The following ACACB variants were observed in gnomAD, a reference collection of about 807,000 sequenced individuals.
ACACB encodes the protein acetyl-CoA carboxylase 2.
A neutral mutation model predicts 278.8 loss-of-function variants in ACACB; 209 were observed. The ratio of observed to expected loss-of-function variants is 0.75; its 90% CI spans 0.67 to 0.84. ACACB has a LOEUF of 0.84. ACACB is among the 40% of genes least tolerant of loss of function. The probability of loss-of-function intolerance (pLI) is 0.00; values close to 1 mark genes in which losing one functional copy is unlikely to be tolerated. For synonymous variants in ACACB, 1,174 were observed against 1,285.6 expected (o/e 0.91, Z 1.86); for missense variants, 2,850 against 3,269.0 (o/e 0.87, Z 3.13).
rs755391838 is a variant in ACACB, at chr12:109,235,620, G to A, written c.4419G>A (p.Lys1473=). The A allele has an allele frequency of 2.5e-6, 4 of 1,613,340 alleles. No homozygotes were observed. In the South Asian group the frequency reaches 4.4e-5, roughly 18 times the overall value. Residue 1473 remains lysine (K), a synonymous_variant, in exon 33 of 53, where the codon AAG becomes AAA. Coordinates refer to ENST00000338432, the MANE Select transcript of ACACB (RefSeq NM_001093.4). ...FLIAQEKEFP[K]FFTFRARDEF... ...TCTTTTTGCAGAAAGAATTTCCCAA[G>A]TTTTTCACATTCAGAGCAAGAGATG...
Position 109,265,139 on chromosome 12 carries a change from C to T in ACACB, c.6972C>T (p.Thr2324=). ...TCCTGGAGTGGAAGACCGCACGCAC[C>T]TTCCTGTATTGGCGTCTGCGCCGCC... The part of the protein sequence containing the change: ...SDILEWKTAR[T]FLYWRLRRLL... The change falls in exon 51 of 53, where the codon ACC becomes ACT. Residue 2324 remains threonine (T), a synonymous_variant. Coordinates refer to ENST00000338432, the MANE Select transcript of ACACB (RefSeq NM_001093.4). 1 of 1,613,054 alleles carries T rather than the reference C, an allele frequency of 6.2e-7. No individual in the cohort carries two copies. The highest frequency in any genetic ancestry group is 8.5e-7 in the Non-Finnish European group (1 of 1,179,544).
At chr12:109,235,464 G>C in intron 32 of ACACB, 95 bp downstream of exon 32, 1 of 1,454,306 alleles carries the variant, frequency 6.9e-7, no homozygotes, top group Non-Finnish European at 9.6e-7. Context: ...TTGGGTGAAA[G>C]AGATCATTAG....
chr12:109,157,399 A>C (rs1023618718), intron 2 of ACACB, among the ~76,000 whole-genome samples: 11 of 151,814 alleles, frequency 7.2e-5, no homozygotes, highest in African/African-American at 2.7e-4. Context: ...CAGCCTTCCA[A>C]GTAGTGGGAC....
chr12:109,127,713 T>C (rs958748051), intron 1 of ACACB, among the ~76,000 whole-genome samples: 2 of 152,128 alleles, frequency 1.3e-5, no homozygotes, highest in African/African-American at 4.8e-5. Context: ...TCCCCGAACA[T>C]TTGTTCCTCT....
chr12:109,210,457 A>ATGTG (rs2045791632), intron 21 of ACACB, among the ~76,000 whole-genome samples: 8 of 129,938 alleles, frequency 6.2e-5, no homozygotes, highest in East Asian at 4.1e-4. Context: ...GTATATATGT[A>ATGTG]TATATACGCA....
intron 40 of ACACB, chr12:109,249,312 G>A (rs117457536): frequency 6.6e-6 from 1 of 152,276 alleles, no homozygotes; most frequent in Non-Finnish European, 1.5e-5. Context: ...TATAAGATAA[G>A]GTGGACATAG....
chr12:109,242,535 C>G lies in ACACB; in HGVS notation c.5121C>G (p.Phe1707Leu). 2 of 1,614,200 alleles carry G rather than the reference C, an allele frequency of 1.2e-6. No homozygotes were observed. The highest frequency in any genetic ancestry group is 1.7e-6 in the Non-Finnish European group (2 of 1,180,036). ...AGGATCTGCTCCAGGCCAAGCGATT[C>G]CAGGCCCAGACCCTGGGAACCACCT... ...VTKDLLQAKR[F>L]QAQTLGTTYI... The change falls in exon 37 of 53, where the codon TTC becomes TTG. Residue 1707 changes from phenylalanine to leucine, a missense_variant. Transcript: ENST00000338432.
chr12:109,163,110 A>G (rs969036994), intron 2 of ACACB, among the ~76,000 whole-genome samples: 1 of 152,084 alleles, frequency 6.6e-6, no homozygotes, highest in Non-Finnish European at 1.5e-5. Flanking sequence ...TTTTTAGTAG[A>G]GATGGGGTTT....
chr12:109,150,920 C>G (rs756875299), intron 2 of ACACB, among the ~76,000 whole-genome samples: 3 of 151,946 alleles, frequency 2.0e-5, no homozygotes, highest in Non-Finnish European at 4.4e-5. Flanking sequence ...GTCTCTTTAG[C>G]TCCTAAAATG....
upstream of ACACB, among the ~76,000 whole-genome samples, chr12:109,114,609 C>G (rs140490216): frequency 0.01 from 1,566 of 151,542 alleles, 36 homozygotes; most frequent in African/African-American, 0.035. Flanking sequence ...CTTTAGGAGG[C>G]AAGGCAAGAA....
chr12:109,166,742 C>T, intron 2 of ACACB, 119 bp from the exon 3 acceptor site: 2 of 1,255,732 alleles, frequency 1.6e-6, no homozygotes, highest in Non-Finnish European at 2.2e-6. Flanking sequence ...AGAGCAAGTG[C>T]AAAGCAGGGG....
rs932096691 is a variant in ACACB at position 109,256,294 on chromosome 12, C to T, written c.6263+58C>T. On this transcript the variant is annotated intron_variant, in intron 45 of 52. Transcript: ENST00000338432. ...TCTGACTCACCAGGCATTGGGGCCC[C>T]GAGGTGTGAGGCCAGGGACCTCCAG... 105 of 1,475,958 alleles carry T rather than the reference C, an allele frequency of 7.1e-5. No individual in the cohort carries two copies. In the African/African-American group the frequency reaches 1.1e-3, roughly 15 times the overall value. 91.4% of individuals were successfully genotyped at this position (1,475,958 alleles called of 1,614,324 possible). A position where few individuals can be genotyped will look rare whatever the true frequency, so the allele number is the denominator to read the frequency against.
chr12:109,130,888 C>T (rs527667228), intron 1 of ACACB, among the ~76,000 whole-genome samples: 22 of 152,316 alleles, frequency 1.4e-4, no homozygotes, highest in African/African-American at 5.3e-4. Flanking sequence ...TATAGCCAAA[C>T]ACAAGTTGTG....
At chr12:109,210,472 CATGTGTATATGTGTATATATACATGT>C (rs2045796161) in intron 21 of ACACB, among the ~76,000 whole-genome samples, 2 of 144,668 alleles carry the variant, frequency 1.4e-5, no homozygotes, top group Non-Finnish European at 1.5e-5. Context: ...TACGCACATA[CATGTGTATATGTGTATATATACATGT>C]ATGTGTATAT....
intron 28 of ACACB, among the ~76,000 whole-genome samples, chr12:109,230,702 T>C (rs899976963): frequency 1.3e-5 from 2 of 152,316 alleles, no homozygotes; most frequent in Admixed American, 6.5e-5. Flanking sequence ...AGTGCTGATA[T>C]TATAGGCGCG....
intron 50 of ACACB, 65 bp downstream of exon 50, chr12:109,264,451 A>G (rs1160398223): frequency 1.9e-5 from 26 of 1,339,976 alleles, no homozygotes; most frequent in Non-Finnish European, 2.7e-5. Flanking sequence ...CATGGAGGAC[A>G]TTTGGGCTCG....
In ACACB at chr12:109,222,918, C is replaced by T. The variant is rs768018386; in HGVS notation, c.3792+6C>T. ...TCTGCCCCGAGAACCTCAAGGTGAG[C>T]CCGTCTCCTTCCTTTCACCATCTGC... On this transcript the variant is annotated splice_donor_region_variant and intron_variant, in intron 26 of 52. Coordinates refer to ENST00000338432, the MANE Select transcript of ACACB (RefSeq NM_001093.4). 2 of 1,592,174 alleles carry T rather than the reference C, an allele frequency of 1.3e-6. No individual in the cohort carries two copies. The highest frequency in any genetic ancestry group is 4.5e-5 in the East Asian group (2 of 44,120).
Position 109,116,593 on chromosome 12 carries a change from A to G in ACACB, c.-121A>G, listed in dbSNP as rs2042407931. ...AGTGACATTTGCAGTCCCCAGAGTA[A>G]GCAGCTAGCAGGCTTAGATTCAGGC... On this transcript the variant is annotated 5_prime_UTR_variant, in exon 1 of 53. Transcript: ENST00000338432. The G allele has an allele frequency of 6.6e-6, 1 of 152,196 alleles. No homozygotes were observed. The highest frequency in any genetic ancestry group is 2.1e-4 in the South Asian group (1 of 4,832). 9.4% of individuals were successfully genotyped at this position (152,196 alleles called of 1,614,324 possible).
chr12:109,161,216 G>T (rs1014268875), intron 2 of ACACB, among the ~76,000 whole-genome samples: 26 of 152,162 alleles, frequency 1.7e-4, no homozygotes, highest in African/African-American at 6.0e-4. Context: ...TCATTGGGAG[G>T]ATCTTAACAT....
Sources: gnomAD v4.1 joint callset for allele counts (sites outside exome capture counted in the v4.1 genomes callset) on GRCh38, gnomAD v4.1.1 for gene constraint, MANE v1.5 for transcripts, NCBI Gene and HGNC (gene_info 2026-07-23, HGNC 2026-07-21) for gene names.